Variants in USP34 observed in about 807,000 individuals in gnomAD.
USP34 encodes the protein ubiquitin specific peptidase 34, also known as ubiquitin carboxyl-terminal hydrolase 34.
In USP34, 70 loss-of-function variants were observed where a neutral mutation model predicts 460.3. That is an observed-to-expected ratio of 0.15 (90% CI 0.13 to 0.19). The LOEUF (loss-of-function observed/expected upper bound fraction) is 0.19. Ranked by LOEUF, USP34 falls within the 10% of genes least tolerant of loss-of-function variation. USP34 has a pLI of 1.00. For missense variants in USP34, 3,985 were observed against 4,236.2 expected, an observed-to-expected ratio of 0.94 and a Z score of 1.65; for synonymous variants, 1,647 against 1,405.3, an observed-to-expected ratio of 1.17 and a Z score of -3.85.
chr2:61,438,633 A>C (rs1241314314), intron 1 of USP34, among the ~76,000 whole-genome samples: 8 of 144,324 alleles, frequency 5.5e-5, no homozygotes, highest in Non-Finnish European at 1.2e-4. Flanking sequence ...CAAAAAAAAA[A>C]CACTCTCAAT....
chr2:61,383,335 A>G lies in USP34; in HGVS notation c.755T>C (p.Ile252Thr). 6.3e-7 allele frequency: 1 copy of G among 1,598,490 alleles called. No homozygotes were observed. ...AHAFITVVSN[I>T]RIWLHIPAVM... ...AGCGGGAATATGTAGCCATATTCTAATCTATATAAGAAACATAAAAACAAC... is the reference window on the plus strand; with the variant it reads ...AGCGGGAATATGTAGCCATATTCTAGTCTATATAAGAAACATAAAAACAAC... Residue 252 changes from isoleucine (I) to threonine (T), a missense_variant and splice_region_variant, in exon 6 of 80, where the codon ATT becomes ACT. Transcript: ENST00000398571.
At chr2:61,301,243 A>C (rs922345965) in intron 28 of USP34, 83 bp from the exon 29 acceptor site, 2 of 1,514,630 alleles carry the variant, frequency 1.3e-6, no homozygotes, top group Admixed American at 2.1e-5. Context: ...GAATCACTTA[A>C]AATTTTAATA....
At chr2:61,280,709 G>A (rs1200738890) in intron 38 of USP34, among the ~76,000 whole-genome samples, 2 of 152,080 alleles carry the variant, frequency 1.3e-5, no homozygotes, top group Non-Finnish European at 2.9e-5. Flanking sequence ...ATGAACTAGG[G>A]TAGGAAATAA....
intron 66 of USP34, among the ~76,000 whole-genome samples, chr2:61,220,990 T>C (rs1687565577): frequency 6.6e-6 from 1 of 152,194 alleles, no homozygotes; most frequent in African/African-American, 2.4e-5. Flanking sequence ...ACTCATTTCT[T>C]GTCCATGATT....
Position 61,211,881 on chromosome 2 carries a change from G to C in USP34, c.8731C>G (p.Pro2911Ala), listed in dbSNP as rs1205612510. The stretch of plus-strand genomic sequence containing the variant: ...TCTAATTCTTCTTCTCTCATATCTG[G>C]CCTCTGAGCTATAAACAGCTGCATC... ...NLMQLFIAQRPDMREEELEDI... is the reference protein window; with the variant it reads ...NLMQLFIAQRADMREEELEDI... Residue 2911 changes from proline to alanine, a missense_variant, in exon 69 of 80, where the codon CCA becomes GCA. Coordinates refer to ENST00000398571, the MANE Select transcript of USP34 (RefSeq NM_014709.4). 6.2e-7 allele frequency: 1 copy of C among 1,608,820 alleles called. No individual in the cohort carries two copies. The highest frequency in any genetic ancestry group is 1.7e-5 in the Admixed American group (1 of 58,990).
chr2:61,319,419 T>G, intron 21 of USP34, 92 bp from the exon 22 acceptor site: 1 of 841,804 alleles, frequency 1.2e-6, no homozygotes, highest in Non-Finnish European at 1.7e-6. Flanking sequence ...AAGTCCTCAC[T>G]TAACACAGAT....
At chr2:61,218,424 C>G (rs561185993) in intron 67 of USP34, among the ~76,000 whole-genome samples, 1 of 151,838 alleles carries the variant, frequency 6.6e-6, no homozygotes, top group South Asian at 2.1e-4. Context: ...TTAGAATAAG[C>G]AGAACAATTT....
intron 51 of USP34, among the ~76,000 whole-genome samples, chr2:61,242,502 C>CACACAT (rs56823739): frequency 2.8e-5 from 4 of 142,768 alleles, no homozygotes; most frequent in Non-Finnish European, 6.1e-5. Context: ...CACACACACA[C>CACACAT]GATGCAAAGG....
chr2:61,428,545 TA>T (rs1694575602), intron 1 of USP34, among the ~76,000 whole-genome samples: 1 of 152,098 alleles, frequency 6.6e-6, no homozygotes, highest in African/African-American at 2.4e-5. Context: ...ACACAACCTA[TA>T]AAACAGTCTT....
At chr2:61,234,013 A>C (rs988151240) in intron 57 of USP34, among the ~76,000 whole-genome samples, 1 of 151,968 alleles carries the variant, frequency 6.6e-6, no homozygotes, top group South Asian at 2.1e-4. Context: ...TCCATTATGG[A>C]AAAAAAAGGA....
chr2:61,395,613 C>T (rs900064788), intron 3 of USP34, among the ~76,000 whole-genome samples: 33 of 139,874 alleles, frequency 2.4e-4, no homozygotes, highest in African/African-American at 8.9e-4. Context: ...GGTGAAACCC[C>T]GTCTCTACTA....
chr2:61,470,247 G>A (rs902993816), intron 1 of USP34, among the ~76,000 whole-genome samples: 1 of 152,200 alleles, frequency 6.6e-6, no homozygotes, highest in Non-Finnish European at 1.5e-5. Context: ...AAATCAAAGA[G>A]GGCGGCCGGA....
Position 61,188,161 on chromosome 2 carries a change from C to G in USP34, c.10582G>C (p.Glu3528Gln), listed in dbSNP as rs370142738. The G allele has an allele frequency of 1.2e-6, 2 of 1,613,940 alleles. No individual in the cohort carries two copies. The highest frequency in any genetic ancestry group is 2.7e-5 in the African/African-American group (2 of 74,878). The change falls in exon 80 of 80, where the codon GAA (glutamate) becomes CAA (glutamine). Residue 3528 changes from glutamate (E) to glutamine (Q), a missense_variant. By Grantham distance (29) the Glu-to-Gln change is conservative (BLOSUM62 2). Transcript: ENST00000398571. ...CTTGTGACGACATGGATTGTAGATT[C>G]AATGGTCCTACACAGGGTATCTAAA... ...DILDTLCRTIESTIHVVTRIS... is the reference protein window; with the variant it reads ...DILDTLCRTIQSTIHVVTRIS...
intron 67 of USP34, 53 bp from the exon 68 acceptor site, chr2:61,214,747 G>T: frequency 6.4e-7 from 1 of 1,565,976 alleles, no homozygotes; most frequent in South Asian, 1.2e-5. Context: ...AAAATAGACT[G>T]AACAGCAGTC....
intron 10 of USP34, among the ~76,000 whole-genome samples, chr2:61,353,694 G>A (rs34254166): frequency 0.21 from 31,744 of 151,768 alleles, 3,539 homozygotes; most frequent in Middle Eastern, 0.26. Context: ...GCCTCCCAAA[G>A]TGCTAGGATT....
intron 41 of USP34, among the ~76,000 whole-genome samples, chr2:61,275,359 G>A (rs1277182450): frequency 1.3e-5 from 2 of 152,200 alleles, no homozygotes; most frequent in African/African-American, 2.4e-5. Context: ...GCTCACATCG[G>A]TAATCCCAAC....
At position 61,362,926 on chromosome 2, in the gene USP34, A is replaced by T. The variant is rs188252004; in HGVS notation, c.1251+7395T>A. ...CCTATTATATCTCAATTTAAAAAGAAAAACAGACTTAGAGAAATTATATGC... is the reference window on the plus strand; with the variant it reads ...CCTATTATATCTCAATTTAAAAAGATAAACAGACTTAGAGAAATTATATGC... On this transcript the variant is annotated intron_variant, in intron 10 of 79. Coordinates refer to ENST00000398571, the MANE Select transcript of USP34 (RefSeq NM_014709.4). Among the ~76,000 whole-genome samples the T allele has an allele frequency of 2.8e-3, 423 of 152,332 alleles. 1 individual carries two copies. The highest frequency in any genetic ancestry group is 9.5e-3 in the African/African-American group (394 of 41,578).
chr2:61,274,903 G>T lies in USP34; in HGVS notation c.5433+3262C>A, dbSNP rs184914889. On this transcript the variant is annotated intron_variant, in intron 41 of 79. Coordinates refer to ENST00000398571, the MANE Select transcript of USP34 (RefSeq NM_014709.4). ...TAAATCTATGTGTTAAATGTATAAA[G>T]ATCTCTGTAATATCACTAGAAATAG... Among the ~76,000 whole-genome samples, 453 of 152,308 alleles carry T rather than the reference G, an allele frequency of 3.0e-3. 1 individual carries two copies. Among genetic ancestry groups the T allele is most frequent in the African/African-American group, 9.9e-3 (413 of 41,554 alleles).
chr2:61,193,389 A>AAAAAAAAAAAAAAAAT (rs397984741), intron 75 of USP34: 2 of 148,958 alleles, frequency 1.3e-5, no homozygotes, highest in African/African-American at 5.0e-5. Flanking sequence ...AAAAAAAAAA[A>AAAAAAAAAAAAAAAAT]GTGGAGAATT....
Sources: gnomAD v4.1 joint callset for allele counts (sites outside exome capture counted in the v4.1 genomes callset) on GRCh38, gnomAD v4.1.1 for gene constraint, MANE v1.5 for transcripts, NCBI Gene and HGNC (gene_info 2026-07-23, HGNC 2026-07-21) for gene names.